The following CDH12 variants were observed in gnomAD, a reference collection of about 807,000 sequenced individuals.
The protein encoded by CDH12 is cadherin 12, also known as cadherin-12.
Under a neutral mutation model 74.1 loss-of-function variants are expected in CDH12, and 41 were observed. That is an observed-to-expected ratio of 0.55 (90% CI 0.43 to 0.72). The LOEUF (loss-of-function observed/expected upper bound fraction) is 0.72, where lower values mean the gene tolerates loss of function less well. Among genes scored for constraint, CDH12 ranks in the 30% least tolerant of loss-of-function variants. CDH12 has a pLI of 0.00. For synonymous variants in CDH12, 399 were observed against 355.0 expected, an observed-to-expected ratio of 1.12 and a Z score of -1.39; for missense variants, 945 against 977.2, an observed-to-expected ratio of 0.97 and a Z score of 0.44.
chr5:22,613,938 G>T (rs1737552440), intron 1 of CDH12, among the ~76,000 whole-genome samples: 1 of 151,992 alleles, frequency 6.6e-6, no homozygotes, highest in South Asian at 2.1e-4. Flanking sequence ...ATTACAAAAT[G>T]AATATATTTC....
intron 6 of CDH12, among the ~76,000 whole-genome samples, chr5:21,942,105 G>T (rs964333538): frequency 1.3e-5 from 2 of 152,094 alleles, no homozygotes; most frequent in Non-Finnish European, 2.9e-5. Flanking sequence ...AGTTAGGAAG[G>T]AGATGGGAGA....
At chr5:22,338,952 T>G (rs1411383366) in intron 3 of CDH12, among the ~76,000 whole-genome samples, 1 of 152,140 alleles carries the variant, frequency 6.6e-6, no homozygotes, top group Non-Finnish European at 1.5e-5. Context: ...GAACAGAGGC[T>G]TCAGTCCTAT....
At chr5:22,051,164 C>G (rs1273529090) in intron 5 of CDH12, among the ~76,000 whole-genome samples, 2 of 151,992 alleles carry the variant, frequency 1.3e-5, no homozygotes, top group African/African-American at 4.8e-5. Flanking sequence ...TGGACAGCTC[C>G]TCCTTCTGCA....
chr5:22,597,884 T>A (rs973530753), intron 1 of CDH12, among the ~76,000 whole-genome samples: 33 of 152,178 alleles, frequency 2.2e-4, no homozygotes, highest in Non-Finnish European at 4.6e-4. Context: ...ATTATATATG[T>A]CTTCCATTAA....
chr5:21,997,893 A>G (rs1736388869), intron 5 of CDH12, among the ~76,000 whole-genome samples: 1 of 152,222 alleles, frequency 6.6e-6, no homozygotes, highest in East Asian at 1.9e-4. Context: ...TCCTCACAAT[A>G]TTGTTTTCCA....
chr5:22,138,892 G>A (rs866887944), intron 4 of CDH12, among the ~76,000 whole-genome samples: 21 of 71,840 alleles, frequency 2.9e-4, no homozygotes, highest in Admixed American at 7.1e-4. Flanking sequence ...TGGACTCATC[G>A]ATGTACATGA....
At chr5:22,518,186 A>C (rs1736888932) in intron 1 of CDH12, among the ~76,000 whole-genome samples, 1 of 152,222 alleles carries the variant, frequency 6.6e-6, no homozygotes, top group Non-Finnish European at 1.5e-5. Context: ...AGAGGAATTA[A>C]TGTGTTTGTT....
At chr5:22,034,757 G>A (rs920985073) in intron 5 of CDH12, among the ~76,000 whole-genome samples, 1 of 152,072 alleles carries the variant, frequency 6.6e-6, no homozygotes. Context: ...GCCAATTATC[G>A]AAATAATGAA....
At chr5:22,194,486 C>T (rs1050295921) in intron 4 of CDH12, among the ~76,000 whole-genome samples, 13 of 151,842 alleles carry the variant, frequency 8.6e-5, no homozygotes, top group Non-Finnish European at 1.6e-4. Flanking sequence ...CGTCCGCCCC[C>T]ATGCCCGCCT....
At chr5:22,344,405 A>C (rs1261068821) in intron 3 of CDH12, among the ~76,000 whole-genome samples, 1 of 152,356 alleles carries the variant, frequency 6.6e-6, no homozygotes, top group South Asian at 2.1e-4. Context: ...GATTAATAAT[A>C]AAATAATAAC....
intron 1 of CDH12, among the ~76,000 whole-genome samples, chr5:22,612,818 T>G (rs2126828534): frequency 6.6e-6 from 1 of 152,250 alleles, no homozygotes; most frequent in East Asian, 1.9e-4. Context: ...TTTTCTGGAC[T>G]AATTCAGGGC....
chr5:22,834,575 C>T (rs1736745628), intron 1 of CDH12, among the ~76,000 whole-genome samples: 1 of 152,078 alleles, frequency 6.6e-6, no homozygotes, highest in Non-Finnish European at 1.5e-5. Context: ...AAAGTTATGG[C>T]TCTGAATAAA....
chr5:22,541,043 A>C (rs189593449), intron 1 of CDH12, among the ~76,000 whole-genome samples: 1 of 152,308 alleles, frequency 6.6e-6, no homozygotes, highest in East Asian at 1.9e-4. Context: ...CTTGGTCTCC[A>C]ACAGAAGTCA....
At chr5:22,705,130 T>C (rs11957819) in intron 1 of CDH12, among the ~76,000 whole-genome samples, 1,723 of 125,604 alleles carry the variant, frequency 0.014, 18 homozygotes, top group Middle Eastern at 0.036. Context: ...TATATATATA[T>C]ACACACACAC....
At chr5:22,622,620 A>T (rs1375916481) in intron 1 of CDH12, among the ~76,000 whole-genome samples, 1 of 152,244 alleles carries the variant, frequency 6.6e-6, no homozygotes, top group Non-Finnish European at 1.5e-5. Context: ...AGAATAAACC[A>T]GGAAGAAGTT....
At chr5:22,346,915 G>A (rs1740141631) in intron 3 of CDH12, among the ~76,000 whole-genome samples, 2 of 152,156 alleles carry the variant, frequency 1.3e-5, no homozygotes, top group Admixed American at 6.5e-5. Context: ...AAACCTAGAA[G>A]TGTTGAAGTG....
At chr5:22,789,001 C>T (rs1229029633) in intron 1 of CDH12, among the ~76,000 whole-genome samples, 2 of 151,918 alleles carry the variant, frequency 1.3e-5, no homozygotes, top group Non-Finnish European at 2.9e-5. Flanking sequence ...TTAGAAACTA[C>T]ATCTTGCGTG....
intron 1 of CDH12, among the ~76,000 whole-genome samples, chr5:22,740,978 G>T (rs755876292): frequency 2.6e-5 from 4 of 152,100 alleles, no homozygotes; most frequent in Non-Finnish European, 5.9e-5. Context: ...AACAATAGGG[G>T]ATTTCAAGTG....
chr5:21,792,416 T>C (rs538882306), intron 10 of CDH12, among the ~76,000 whole-genome samples: 90 of 152,002 alleles, frequency 5.9e-4, no homozygotes, highest in Non-Finnish European at 1.1e-3. Flanking sequence ...TGAGAAACTA[T>C]TTACAAAAGT....
Sources: allele counts gnomAD v4.1 joint callset (sites outside exome capture counted in the v4.1 genomes callset), GRCh38; gene constraint gnomAD v4.1.1; transcripts MANE v1.5; gene names NCBI Gene and HGNC (gene_info 2026-07-23, HGNC 2026-07-21).